Variants in TGFBR2 observed in about 807,000 individuals in gnomAD.
TGFBR2 encodes the protein TGF-beta receptor type-2.
A neutral mutation model predicts 49.0 loss-of-function variants in TGFBR2; 18 were observed. The observed-to-expected ratio is 0.37, with a 90% CI of 0.25 to 0.54. The LOEUF (loss-of-function observed/expected upper bound fraction) is 0.54, where lower values mean the gene tolerates loss of function less well. Among genes scored for constraint, TGFBR2 ranks in the 20% least tolerant of loss-of-function variants. The probability of loss-of-function intolerance (pLI) is 0.85; values close to 1 mark genes in which losing one functional copy is unlikely to be tolerated. For missense variants in TGFBR2, 525 were observed against 722.6 expected (o/e 0.73, Z 3.13); for synonymous variants, 282 against 275.9 (o/e 1.02, Z -0.22).
At position 30,671,335 on chromosome 3, in the gene TGFBR2, A is replaced by C. The variant is rs11466511; in HGVS notation, c.455-303A>C. Among the ~76,000 whole-genome samples, 31,124 of 152,018 alleles carry C rather than the reference A, an allele frequency of 0.2. 3,391 individuals carry two copies. The highest frequency in any genetic ancestry group is 0.24 in the Admixed American group (3,637 of 15,284). ...TTGTACTGAATTGTTACCTAGGAAA[A>C]GTATAAGGTGCTATGAAAATGTATA... On this transcript the variant is annotated intron_variant, in intron 3 of 6. Coordinates refer to ENST00000295754, the MANE Select transcript of TGFBR2 (RefSeq NM_003242.6).
intron 3 of TGFBR2, among the ~76,000 whole-genome samples, chr3:30,664,333 A>G (rs1056326813): frequency 6.6e-6 from 1 of 151,798 alleles, no homozygotes; most frequent in South Asian, 2.1e-4. Context: ...TGTTCTTTCC[A>G]TACCACCAAG....
intron 1 of TGFBR2, among the ~76,000 whole-genome samples, chr3:30,638,813 G>C (rs898104019): frequency 2.0e-5 from 3 of 152,156 alleles, no homozygotes; most frequent in Non-Finnish European, 2.9e-5. Context: ...TTCTGGGTGG[G>C]AGGAAGTGTG....
intron 2 of TGFBR2, among the ~76,000 whole-genome samples, chr3:30,645,214 G>A (rs1276710731): frequency 6.6e-6 from 1 of 152,088 alleles, no homozygotes; most frequent in Non-Finnish European, 1.5e-5. Flanking sequence ...CTTGTATCAA[G>A]AAGAGGGATT....
rs1208408166 is a variant in TGFBR2, at chr3:30,671,925, A to G, written c.742A>G (p.Thr248Ala). Residue 248 changes from threonine to alanine, a missense_variant, in exon 4 of 7, where the codon ACC becomes GCC. This residue lies in a region of TGFBR2 where 376 missense variants were observed against 478.2 expected (regional missense o/e 0.79). Transcript: ENST00000295754. ...AGAGCTGCTGCCCATTGAGCTGGACACCCTGGTGGGGAAAGGTCGCTTTGC... is the reference window on the plus strand; with the variant it reads ...AGAGCTGCTGCCCATTGAGCTGGACGCCCTGGTGGGGAAAGGTCGCTTTGC... ...NTELLPIELD[T>A]LVGKGRFAEV... The G allele has an allele frequency of 6.2e-7, 1 of 1,614,186 alleles. No homozygotes were observed.
Position 30,691,790 on chromosome 3 carries a change from T to C in TGFBR2, c.*191T>C. 1.6e-6 allele frequency: 1 copy of C among 627,250 alleles called. No individual in the cohort carries two copies. Among genetic ancestry groups the C allele is most frequent in the Non-Finnish European group, 2.8e-6 (1 of 351,494 alleles). 38.9% of individuals were successfully genotyped at this position (627,250 alleles called of 1,614,324 possible). A position where few individuals can be genotyped will look rare whatever the true frequency, so the allele number is the denominator to read the frequency against. On this transcript the variant is annotated 3_prime_UTR_variant, in exon 7 of 7. Transcript: ENST00000295754. ...GGTGACATAGAGCATTCTATGCCTTTGACATTGTCATAGGATAAGCTGTGT... is the reference window on the plus strand; with the variant it reads ...GGTGACATAGAGCATTCTATGCCTTCGACATTGTCATAGGATAAGCTGTGT...
chr3:30,675,693 A>G (rs1186925532), intron 5 of TGFBR2, among the ~76,000 whole-genome samples: 1 of 152,048 alleles, frequency 6.6e-6, no homozygotes, highest in South Asian at 2.1e-4. Context: ...CCTCCATTCC[A>G]TGTTTAACTT....
intron 3 of TGFBR2, among the ~76,000 whole-genome samples, chr3:30,663,984 G>A (rs1244454314): frequency 7.2e-6 from 1 of 139,668 alleles, no homozygotes; most frequent in Non-Finnish European, 1.6e-5. Flanking sequence ...TTTTTGGGGG[G>A]GGGAGTTGGG....
chr3:30,607,319 G>A (rs1697941413), intron 1 of TGFBR2, among the ~76,000 whole-genome samples: 1 of 152,208 alleles, frequency 6.6e-6, no homozygotes, highest in Non-Finnish European at 1.5e-5. Flanking sequence ...GGGAGCAGCG[G>A]CCCGGAGCGG....
rs531052138 is a variant in TGFBR2, at chr3:30,668,305, T to C, written c.455-3333T>C. On this transcript the variant is annotated intron_variant, in intron 3 of 6. Coordinates refer to ENST00000295754, the MANE Select transcript of TGFBR2 (RefSeq NM_003242.6). ...CCCTGCTTTGTCAGGAGAGAAGCAA[T>C]CAGATAATCAAGTGGATTTCTGATT... Among the ~76,000 whole-genome samples, 251 of 152,292 alleles carry C rather than the reference T, an allele frequency of 1.6e-3. 1 individual carries two copies. Among genetic ancestry groups the C allele is most frequent in the African/African-American group, 5.7e-3 (239 of 41,568 alleles).
At chr3:30,657,021 C>T (rs1000995328) in intron 3 of TGFBR2, among the ~76,000 whole-genome samples, 4 of 151,834 alleles carry the variant, frequency 2.6e-5, no homozygotes, top group East Asian at 1.9e-4. Context: ...AAGTGAAACC[C>T]GTGAATTGGC....
rs1246849412 is a variant in TGFBR2, at chr3:30,652,240, T to TG, written c.454+1780_454+1781insG. On this transcript the variant is annotated intron_variant, in intron 3 of 6. Coordinates refer to ENST00000295754, the MANE Select transcript of TGFBR2 (RefSeq NM_003242.6). ...CGTTTTCTTTTCTGGTTGTTTTTTT[T>TG]TTTTTTTTTTTTTTGACGGAGTCTC... Among the ~76,000 whole-genome samples, 325 of 144,418 alleles carry TG rather than the reference T, an allele frequency of 2.3e-3. 2 individuals carry two copies. Among genetic ancestry groups the TG allele is most frequent in the African/African-American group, 8.2e-3 (316 of 38,728 alleles). 94.7% of individuals were successfully genotyped at this position (144,418 alleles called of 152,430 possible).
chr3:30,620,958 C>G (rs1220958905), intron 1 of TGFBR2, among the ~76,000 whole-genome samples: 1 of 152,148 alleles, frequency 6.6e-6, no homozygotes, highest in Non-Finnish European at 1.5e-5. Context: ...AAATATGAGG[C>G]CTTTCTTACC....
At chr3:30,612,774 G>A (rs182032379) in intron 1 of TGFBR2, among the ~76,000 whole-genome samples, 101 of 152,254 alleles carry the variant, frequency 6.6e-4, no homozygotes, top group African/African-American at 2.3e-3. Context: ...AGGGCAAGAA[G>A]AGCCGACTTT....
intron 1 of TGFBR2, among the ~76,000 whole-genome samples, chr3:30,607,423 A>G (rs1697943968): frequency 6.6e-6 from 1 of 152,214 alleles, no homozygotes; most frequent in Admixed American, 6.5e-5. Context: ...CACCCGTTCA[A>G]AAGGCCAGCT....
intron 1 of TGFBR2, among the ~76,000 whole-genome samples, chr3:30,610,310 AT>A (rs1698004681): frequency 9.4e-6 from 1 of 106,354 alleles, no homozygotes; most frequent in Admixed American, 1.2e-4. Context: ...TCTACACCTC[AT>A]TTTCAAAAGC....
intron 1 of TGFBR2, among the ~76,000 whole-genome samples, chr3:30,610,542 T>A (rs1575127721): frequency 6.6e-6 from 1 of 152,148 alleles, no homozygotes; most frequent in African/African-American, 2.4e-5. Context: ...GATAGGCTGG[T>A]GGTAGAAGAG....
At chr3:30,647,505 T>C (rs1364962046) in intron 2 of TGFBR2, among the ~76,000 whole-genome samples, 1 of 152,144 alleles carries the variant, frequency 6.6e-6, no homozygotes, top group Non-Finnish European at 1.5e-5. Flanking sequence ...ACTGAAAGGC[T>C]CTACTATGAT....
intron 1 of TGFBR2, among the ~76,000 whole-genome samples, chr3:30,636,726 G>T (rs1698539870): frequency 7.1e-6 from 1 of 141,662 alleles, no homozygotes; most frequent in African/African-American, 2.7e-5. Flanking sequence ...GCATGCATGT[G>T]TGTGCACGTG....
chr3:30,673,741 T>C (rs1699382715), intron 4 of TGFBR2, among the ~76,000 whole-genome samples: 1 of 152,202 alleles, frequency 6.6e-6, no homozygotes, highest in South Asian at 2.1e-4. Context: ...AAATTCAATT[T>C]TGGAAAGCAA....
Sources: allele counts gnomAD v4.1 joint callset (sites outside exome capture counted in the v4.1 genomes callset), GRCh38; gene constraint gnomAD v4.1.1; regional missense constraint gnomAD v4.1.1; transcripts MANE v1.5; gene names NCBI Gene and HGNC (gene_info 2026-07-23, HGNC 2026-07-21).